The following GTF3C3 variants were observed in gnomAD, a reference collection of about 807,000 sequenced individuals.
The protein encoded by GTF3C3 is general transcription factor 3C polypeptide 3.
A neutral mutation model predicts 105.2 loss-of-function variants in GTF3C3; 75 were observed. The observed-to-expected ratio is 0.71, with a 90% CI of 0.59 to 0.86. The LOEUF (loss-of-function observed/expected upper bound fraction) is 0.86. Among genes scored for constraint, GTF3C3 ranks in the 40% least tolerant of loss-of-function variants. The probability of loss-of-function intolerance (pLI) is 0.00; values close to 1 mark genes in which losing one functional copy is unlikely to be tolerated. For synonymous variants in GTF3C3, 335 were observed against 370.4 expected, an observed-to-expected ratio of 0.90 and a Z score of 1.10; for missense variants, 856 against 1,076.5, an observed-to-expected ratio of 0.80 and a Z score of 2.87.
At chr2:196,774,374 A>G (rs1300872663) in intron 13 of GTF3C3, among the ~76,000 whole-genome samples, 4 of 152,390 alleles carry the variant, frequency 2.6e-5, no homozygotes, top group South Asian at 2.1e-4. Flanking sequence ...AACTATGAAG[A>G]GAACAGAGCA....
chr2:196,775,463 C>G (rs1243244945), intron 12 of GTF3C3, among the ~76,000 whole-genome samples: 1 of 152,074 alleles, frequency 6.6e-6, no homozygotes, highest in Admixed American at 6.6e-5. Context: ...GTCACAGGTG[C>G]CACAAGACTG....
At position 196,771,905 on chromosome 2, in the gene GTF3C3, C is replaced by T; in HGVS notation, c.2103G>A (p.Gln701=). Residue 701 remains glutamine (Q), a synonymous_variant, in exon 15 of 18, where the codon CAG becomes CAA. Coordinates refer to ENST00000263956, the MANE Select transcript of GTF3C3 (RefSeq NM_012086.5). ...IMVMENVNKP[Q]LWNIFNQVTM... is the part of the protein sequence containing the mutation. ...TAACTTGATTGAAAATGTTCCAGAG[C>T]TGGGGTTTATTGACATTTTCCATTA... is the stretch of plus-strand genomic sequence containing the variant. The T allele has an allele frequency of 6.2e-7, 1 of 1,613,190 alleles. No individual in the cohort carries two copies. The highest frequency in any genetic ancestry group is 8.5e-7 in the Non-Finnish European group (1 of 1,179,154).
intron 1 of GTF3C3, 182 bp downstream of exon 1, chr2:196,799,328 A>C: frequency 1.9e-6 from 1 of 526,080 alleles, no homozygotes; most frequent in Non-Finnish European, 3.4e-6. Context: ...GTGGGGGAAA[A>C]CGTTTTAAGG....
chr2:196,775,633 T>C (rs1157902024), intron 12 of GTF3C3, among the ~76,000 whole-genome samples: 1 of 152,128 alleles, frequency 6.6e-6, no homozygotes, highest in African/African-American at 2.4e-5. Context: ...AACATGCATA[T>C]ACACACATCC....
chr2:196,766,625 C>G lies in GTF3C3; in HGVS notation c.2478G>C (p.Leu826=), dbSNP rs755959424. 6.2e-7 allele frequency: 1 copy of G among 1,613,100 alleles called. No individual in the cohort carries two copies. Among genetic ancestry groups the G allele is most frequent in the South Asian group, 1.1e-5 (1 of 90,958 alleles). ...GATAATAGTGGATTGCAAGATGAAT[C>G]AGCCCCAACTGATGAAGGCCACGGC... is the stretch of plus-strand genomic sequence containing the variant. ...NLGRGLHQLG[L]IHLAIHYYQK... is the part of the protein sequence containing the mutation. The change falls in exon 17 of 18, where the codon CTG becomes CTC. Residue 826 remains leucine, a synonymous_variant. Transcript: ENST00000263956.
At chr2:196,789,593 T>G (rs1295808715) in intron 5 of GTF3C3, among the ~76,000 whole-genome samples, 1 of 152,164 alleles carries the variant, frequency 6.6e-6, no homozygotes, top group Admixed American at 6.5e-5. Flanking sequence ...GTCAATCTAG[T>G]CTGATGTTAA....
At chr2:196,780,729 A>G (rs1699335450) in intron 8 of GTF3C3, 67 bp from the exon 9 acceptor site, 1 of 1,536,082 alleles carries the variant, frequency 6.5e-7, no homozygotes, top group Non-Finnish European at 8.8e-7. Context: ...TCTATGTAAG[A>G]TCTCATTTAT....
rs774802080 is a variant in GTF3C3, at chr2:196,785,593, A to G, written c.894-5T>C. ...TCATTGGCTTCATAGTAACTCCTAA[A>G]AAAAAGTGGCAAAATGGATGAATAT... On this transcript the variant is annotated splice_polypyrimidine_tract_variant and splice_region_variant and intron_variant, in intron 6 of 17. Coordinates refer to ENST00000263956, the MANE Select transcript of GTF3C3 (RefSeq NM_012086.5). The G allele has an allele frequency of 6.3e-7, 1 of 1,584,684 alleles. No homozygotes were observed. Among genetic ancestry groups the G allele is most frequent in the Non-Finnish European group, 8.6e-7 (1 of 1,158,282 alleles).
chr2:196,766,644 C>T lies in GTF3C3; in HGVS notation c.2459G>A (p.Gly820Asp). Residue 820 changes from glycine to aspartate, a missense_variant, in exon 17 of 18, where the codon GGC (glycine) becomes GAC (aspartate). Gly to Asp is a moderately conservative substitution (Grantham distance 94). Coordinates refer to ENST00000263956, the MANE Select transcript of GTF3C3 (RefSeq NM_012086.5). ...CQESFYNLGRGLHQLGLIHLA... is the reference protein window; with the variant it reads ...CQESFYNLGRDLHQLGLIHLA... Reference sequence around the variant, plus strand: ...ATGAATCAGCCCCAACTGATGAAGGCCACGGCCCAAATTGTAGAATGATTC... The same window carrying T: ...ATGAATCAGCCCCAACTGATGAAGGTCACGGCCCAAATTGTAGAATGATTC... 1 of 1,613,608 alleles carries T rather than the reference C, an allele frequency of 6.2e-7. No individual in the cohort carries two copies. Among genetic ancestry groups the T allele is most frequent in the Non-Finnish European group, 8.5e-7 (1 of 1,179,624 alleles).
chr2:196,765,397 G>A (rs1699043354), intron 17 of GTF3C3, among the ~76,000 whole-genome samples: 1 of 151,970 alleles, frequency 6.6e-6, no homozygotes, highest in Admixed American at 6.6e-5. Context: ...AAATAACACT[G>A]TATAAACAAC....
rs186149310 is a variant in GTF3C3, at chr2:196,788,536, A to G, written c.893+668T>C. On this transcript the variant is annotated intron_variant, in intron 6 of 17. Coordinates refer to ENST00000263956, the MANE Select transcript of GTF3C3 (RefSeq NM_012086.5). ...ATACTGGCTCAAGATAAAATAATAG[A>G]AGATCCCAAATCATTAACATTTCAC... 8.0e-3 allele frequency among the ~76,000 whole-genome samples: 1,221 copies of G among 152,356 alleles called. 7 individuals carry two copies. Among genetic ancestry groups the G allele is most frequent in the Non-Finnish European group, 0.011 (768 of 68,030 alleles).
At chr2:196,773,989 G>A (rs1013520586) in intron 13 of GTF3C3, among the ~76,000 whole-genome samples, 6 of 152,154 alleles carry the variant, frequency 3.9e-5, no homozygotes, top group African/African-American at 4.8e-5. Context: ...AGAGGATTAC[G>A]TACATACAGG....
intron 17 of GTF3C3, 89 bp from the exon 18 acceptor site, chr2:196,764,774 G>GTAAGT: frequency 1.6e-6 from 2 of 1,218,386 alleles, no homozygotes; most frequent in South Asian, 3.0e-5. Context: ...ATAAGTGTAA[G>GTAAGT]TAAGTTTTCA....
chr2:196,769,777 GGTAA>G, intron 16 of GTF3C3, 134 bp downstream of exon 16: 1 of 631,840 alleles, frequency 1.6e-6, no homozygotes. Flanking sequence ...TGAACACTGG[GGTAA>G]GTGTTGGGGA....
At chr2:196,792,640 C>T (rs139608207) in intron 3 of GTF3C3, among the ~76,000 whole-genome samples, 1,841 of 152,140 alleles carry the variant, frequency 0.012, 27 homozygotes, top group African/African-American at 0.039. Context: ...TTGTGTTGTA[C>T]TGTATTTAAT....
chr2:196,770,250 T>C (rs1276891436), intron 15 of GTF3C3, among the ~76,000 whole-genome samples: 1 of 152,228 alleles, frequency 6.6e-6, no homozygotes, highest in Non-Finnish European at 1.5e-5. Flanking sequence ...TGAAGATTCA[T>C]ATGAGGAACT....
chr2:196,781,385 T>TAA (rs1699358534), intron 8 of GTF3C3, among the ~76,000 whole-genome samples: 1 of 124,124 alleles, frequency 8.1e-6, no homozygotes, highest in Admixed American at 8.4e-5. Flanking sequence ...TATATATATA[T>TAA]ATAAAATTAA....
intron 9 of GTF3C3, 25 bp from the exon 10 acceptor site, chr2:196,779,092 G>T: frequency 6.4e-7 from 1 of 1,555,260 alleles, no homozygotes; most frequent in Non-Finnish European, 8.8e-7. Flanking sequence ...AAAGCCCCAA[G>T]TTAAACATTC....
intron 12 of GTF3C3, 28 bp downstream of exon 12, chr2:196,775,982 G>T (rs1182156542): frequency 6.9e-6 from 7 of 1,019,258 alleles, no homozygotes; most frequent in Non-Finnish European, 1.0e-5. Flanking sequence ...AGTCAACAAG[G>T]CTAACATAAA....
Sources: gnomAD v4.1 joint callset for allele counts (sites outside exome capture counted in the v4.1 genomes callset) on GRCh38, gnomAD v4.1.1 for gene constraint, MANE v1.5 for transcripts, NCBI Gene and HGNC (gene_info 2026-07-23, HGNC 2026-07-21) for gene names.